The following NIT2 variants were observed in gnomAD, a reference collection of about 807,000 sequenced individuals.
NIT2 encodes the protein omega-amidase NIT2.
NIT2 carries 46 observed loss-of-function variants against 42.7 expected under a neutral mutation model. That is an observed-to-expected ratio of 1.08 (90% CI 0.85 to 1.38). NIT2 has a LOEUF of 1.38. NIT2 is among the 40% of genes most tolerant of loss of function. The pLI is 0.00. For synonymous variants in NIT2, 123 were observed against 121.9 expected (o/e 1.01, Z -0.06); for missense variants, 309 against 342.5 (o/e 0.90, Z 0.77).
intron 3 of NIT2, among the ~76,000 whole-genome samples, 194 bp from the exon 4 acceptor site, chr3:100,340,879 G>C (rs1706142238): frequency 1.3e-5 from 2 of 151,942 alleles, no homozygotes; most frequent in African/African-American, 4.8e-5. Flanking sequence ...CCATGATTAA[G>C]TAACCCATAG....
intron 7 of NIT2, chr3:100,349,082 C>A: frequency 2.1e-6 from 1 of 468,436 alleles, no homozygotes; most frequent in Non-Finnish European, 3.8e-6. Flanking sequence ...GCCACAATAC[C>A]AACCTCATGG....
rs531270815 is a variant in NIT2 at position 100,337,672 on chromosome 3, T to G, written c.8-1415T>G. 3.9e-5 allele frequency among the ~76,000 whole-genome samples: 6 copies of G among 152,280 alleles called. No homozygotes were observed. The South Asian group carries it at 1.2e-3, about 32-fold the overall frequency. On this transcript the variant is annotated intron_variant, in intron 1 of 9. Coordinates refer to ENST00000394140, the MANE Select transcript of NIT2 (RefSeq NM_020202.5). Reference sequence around the variant, plus strand: ...TTTCACCACGTTGGCCAGGCTGGTCTGAAACTCCTGACCTCAGGTGATCAC... The same window carrying G: ...TTTCACCACGTTGGCCAGGCTGGTCGGAAACTCCTGACCTCAGGTGATCAC...
chr3:100,336,838 T>C (rs1310229874), intron 1 of NIT2, among the ~76,000 whole-genome samples: 1 of 152,154 alleles, frequency 6.6e-6, no homozygotes, highest in East Asian at 1.9e-4. Flanking sequence ...GAGGCGTTCC[T>C]TCCTCTTGCA....
intron 2 of NIT2, 89 bp downstream of exon 2, chr3:100,339,294 G>A (rs557763731): frequency 2.4e-6 from 2 of 845,052 alleles, no homozygotes; most frequent in East Asian, 2.4e-5. Context: ...TTGTATCCTG[G>A]GGTCCAGCAG....
intron 4 of NIT2, 28 bp from the exon 5 acceptor site, chr3:100,345,557 G>A (rs375884456): frequency 6.7e-7 from 1 of 1,498,390 alleles, no homozygotes. Context: ...TGGAAAAGAG[G>A]TAACCAAATC....
chr3:100,354,758 T>C lies in NIT2; in HGVS notation c.684-14T>C, dbSNP rs764711693. 2.5e-6 allele frequency: 4 copies of C among 1,604,614 alleles called. No individual in the cohort carries two copies. The highest frequency in any genetic ancestry group is 3.4e-6 in the Non-Finnish European group (4 of 1,174,740). ...ATCAGTGAATCCACTCATTCTCTTC[T>C]GCATCTTTTTCAGGGGGGAGGTTCT... is the stretch of plus-strand genomic sequence containing the variant. On this transcript the variant is annotated splice_polypyrimidine_tract_variant and intron_variant, in intron 8 of 9. Transcript: ENST00000394140.
At chr3:100,347,417 G>A (rs1414073451) in intron 6 of NIT2, among the ~76,000 whole-genome samples, 1 of 152,060 alleles carries the variant, frequency 6.6e-6, no homozygotes, top group Admixed American at 6.6e-5. Flanking sequence ...AAATTTGAAT[G>A]ACAGTTCTCT....
chr3:100,347,348 G>T (rs1025042720), intron 6 of NIT2, among the ~76,000 whole-genome samples: 24 of 152,076 alleles, frequency 1.6e-4, no homozygotes, highest in Admixed American at 1.6e-3. Context: ...TACCCGCCTC[G>T]GCCTCCCAAA....
rs1475050390 is a variant in NIT2 at position 100,355,610 on chromosome 3, G to A, written c.*342G>A. 4 of 187,426 alleles carry A rather than the reference G, an allele frequency of 2.1e-5. No homozygotes were observed. The highest frequency in any genetic ancestry group is 4.7e-5 in the African/African-American group (2 of 42,558). The allele number at this position is 187,426 out of a possible 1,614,324, so 11.6% of individuals were successfully genotyped here. On this transcript the variant is annotated 3_prime_UTR_variant, in exon 10 of 10. Coordinates refer to ENST00000394140, the MANE Select transcript of NIT2 (RefSeq NM_020202.5). ...ATTTGTGTCATGAACCTCTTATCCC[G>A]TTGCTGGAGTTGTAATCTCCATCAT...
rs1576202340 is a variant in NIT2 at position 100,348,667 on chromosome 3, C to T, written c.506-136C>T. The T allele has an allele frequency of 3.3e-5, 21 of 636,988 alleles. No homozygotes were observed. The East Asian group carries it at 3.9e-4, about 12-fold the overall frequency. The allele number at this position is 636,988 out of a possible 1,614,324, so 39.5% of individuals were successfully genotyped here. ...AGCCATATCTTAATTGCTGCTGGCA[C>T]TGTCTGACTTGGCTGACATCTTTTT... On this transcript the variant is annotated intron_variant, in intron 6 of 9. Coordinates refer to ENST00000394140, the MANE Select transcript of NIT2 (RefSeq NM_020202.5).
chr3:100,353,777 C>CTTTTTTCTTTTTTTTTTTTT (rs1706297022), intron 8 of NIT2, among the ~76,000 whole-genome samples: 16 of 140,294 alleles, frequency 1.1e-4, no homozygotes, highest in African/African-American at 4.2e-4. Flanking sequence ...TTTCTTTTTT[C>CTTTTTTCTTTTTTTTTTTTT]TTTTTTTTTT....
At chr3:100,346,792 G>C (rs1454174674) in intron 6 of NIT2, among the ~76,000 whole-genome samples, 2 of 152,156 alleles carry the variant, frequency 1.3e-5, no homozygotes, top group African/African-American at 2.4e-5. Flanking sequence ...TAAGAAGAGA[G>C]AACCTATAAA....
At chr3:100,340,822 T>C (rs35945684) in intron 3 of NIT2, among the ~76,000 whole-genome samples, 37,788 of 151,742 alleles carry the variant, frequency 0.25, 5,885 homozygotes, top group Middle Eastern at 0.38. Flanking sequence ...CCATCTACAC[T>C]CTGGAGTTTA....
chr3:100,348,378 T>G (rs903040622), intron 6 of NIT2, among the ~76,000 whole-genome samples: 1 of 152,224 alleles, frequency 6.6e-6, no homozygotes, highest in Non-Finnish European at 1.5e-5. Flanking sequence ...AAGTCCTAGG[T>G]GAAACCTAGG....
chr3:100,354,693 G>A, intron 8 of NIT2, 79 bp from the exon 9 acceptor site: 3 of 1,104,814 alleles, frequency 2.7e-6, no homozygotes, highest in South Asian at 3.2e-5. Flanking sequence ...TGGCCTGTGA[G>A]CTTGGGAGGA....
rs1706318578 is a variant in NIT2 at position 100,355,530 on chromosome 3, T to C, written c.*262T>C. The C allele has an allele frequency of 2.7e-6, 1 of 371,370 alleles. No individual in the cohort carries two copies. Among genetic ancestry groups the C allele is most frequent in the Admixed American group, 4.3e-5 (1 of 23,240 alleles). The allele number at this position is 371,370 out of a possible 1,614,324, so 23.0% of individuals were successfully genotyped here. ...CATACTTAAGTTGCCTCCAAGCAGTTTGTGAAAGTATCAGATCTTGGTATC... is the reference window on the plus strand; with the variant it reads ...CATACTTAAGTTGCCTCCAAGCAGTCTGTGAAAGTATCAGATCTTGGTATC... On this transcript the variant is annotated 3_prime_UTR_variant, in exon 10 of 10. Coordinates refer to ENST00000394140, the MANE Select transcript of NIT2 (RefSeq NM_020202.5).
chr3:100,356,524 G>C lies in NIT2; in HGVS notation c.*1256G>C, dbSNP rs1425348379. 6.6e-6 allele frequency: 1 copy of C among 152,196 alleles called. No homozygotes were observed. The highest frequency in any genetic ancestry group is 1.5e-5 in the Non-Finnish European group (1 of 68,038). The allele number at this position is 152,196 out of a possible 1,614,324, so 9.4% of individuals were successfully genotyped here. On this transcript the variant is annotated 3_prime_UTR_variant, in exon 10 of 10. Coordinates refer to ENST00000394140, the MANE Select transcript of NIT2 (RefSeq NM_020202.5). The stretch of plus-strand genomic sequence containing the variant: ...AGATACATGAGCACACATTCCATTA[G>C]CTATTAAGGTGATGGACACGGTGTC...
At chr3:100,340,504 GA>G (rs1263788403) in intron 3 of NIT2, among the ~76,000 whole-genome samples, 1 of 152,144 alleles carries the variant, frequency 6.6e-6, no homozygotes, top group African/African-American at 2.4e-5. Context: ...AATAAACACA[GA>G]AAAATTCTAT....
chr3:100,350,888 G>A (rs1192788349), intron 7 of NIT2, among the ~76,000 whole-genome samples: 1 of 151,784 alleles, frequency 6.6e-6, no homozygotes, highest in Non-Finnish European at 1.5e-5. Flanking sequence ...CCCAGAGTGT[G>A]ATGTTCCCCT....
Sources: allele counts gnomAD v4.1 joint callset (sites outside exome capture counted in the v4.1 genomes callset), GRCh38; gene constraint gnomAD v4.1.1; transcripts MANE v1.5; gene names NCBI Gene and HGNC (gene_info 2026-07-23, HGNC 2026-07-21).